MASP2: variants seen among roughly 807,000 people sequenced by gnomAD.
MASP2 encodes mannan-binding lectin serine protease 2.
MASP2 carries 49 observed loss-of-function variants against 57.1 expected under a neutral mutation model. The ratio of observed to expected loss-of-function variants is 0.86; its 90% CI spans 0.68 to 1.09. MASP2 has a LOEUF of 1.09. Ranked by LOEUF, MASP2 falls within the 50% of genes least tolerant of loss-of-function variation. MASP2 has a pLI of 0.00. For missense variants in MASP2, 900 were observed against 874.8 expected (o/e 1.03, Z -0.36); for synonymous variants, 379 against 340.8 (o/e 1.11, Z -1.24).
At chr1:11,039,906 G>A (rs61773662) in intron 6 of MASP2, among the ~76,000 whole-genome samples, 5,521 of 125,170 alleles carry the variant, frequency 0.044, 234 homozygotes, top group African/African-American at 0.1. Flanking sequence ...ATGGATAGAT[G>A]GATGGATAGA....
chr1:11,037,751 T>G lies in MASP2; in HGVS notation c.950A>C (p.Lys317Thr), dbSNP rs1638295805. The G allele has an allele frequency of 1.4e-5, 23 of 1,613,224 alleles. No individual in the cohort carries two copies. The East Asian group carries it at 5.1e-4, about 36-fold the overall frequency. The change falls in exon 7 of 11, where the codon AAA (lysine) becomes ACA (threonine). Residue 317 changes from lysine to threonine, a missense_variant. By Grantham distance (78) the Lys-to-Thr change is moderately conservative. Transcript: ENST00000400897. ...PNGHVSPVQA[K>T]YILKDSFSIF... ...GGAGAAGCTGTCTTTCAGGATGTAT[T>G]TGGCTTGCACAGGTGAAACGTGGCC...
intron 7 of MASP2, among the ~76,000 whole-genome samples, chr1:11,037,330 C>T (rs1638271144): frequency 6.6e-6 from 1 of 152,166 alleles, no homozygotes; most frequent in Non-Finnish European, 1.5e-5. Context: ...CTCAAGTGAT[C>T]TGCCTGCCTC....
At chr1:11,031,027 ACC>A in intron 8 of MASP2, 145 bp from the exon 9 acceptor site, 2 of 731,232 alleles carry the variant, frequency 2.7e-6, no homozygotes, top group Non-Finnish European at 4.3e-6. Context: ...ACATGGCAAG[ACC>A]CCCTCTCTAC....
intron 6 of MASP2, among the ~76,000 whole-genome samples, chr1:11,039,108 A>G (rs1166530251): frequency 6.6e-6 from 1 of 151,866 alleles, no homozygotes; most frequent in Non-Finnish European, 1.5e-5. Context: ...TTCCTATTCA[A>G]GGATAGCTTC....
Position 11,027,423 on chromosome 1 carries a change from TGAG to T in MASP2, c.1520_1522del (p.Pro507del). On this transcript the variant is annotated inframe_deletion, in exon 11 of 11. Transcript: ENST00000400897. ...AGCTTCAGACCAGGCTTGTGTATAA[TGAG>T]GTGATAGTCTTTTCAGGGTGCCCAT... 1 of 1,614,202 alleles carries T rather than the reference TGAG, an allele frequency of 6.2e-7. No individual in the cohort carries two copies. Among genetic ancestry groups the T allele is most frequent in the Non-Finnish European group, 8.5e-7 (1 of 1,180,036 alleles).
At chr1:11,033,969 T>A (rs11804500) in intron 8 of MASP2, among the ~76,000 whole-genome samples, 1,953 of 19,712 alleles carry the variant, frequency 0.099, 43 homozygotes, top group African/African-American at 0.23. Flanking sequence ...ACACACACTC[T>A]CTCTCTCTCT....
chr1:11,043,165 G>A, intron 5 of MASP2, 143 bp from the exon 6 acceptor site: 1 of 1,007,968 alleles, frequency 9.9e-7, no homozygotes, highest in Non-Finnish European at 1.5e-6. Context: ...TCCCCACTCT[G>A]CCTCCCACAC....
intron 8 of MASP2, 76 bp from the exon 9 acceptor site, chr1:11,030,958 T>C: frequency 6.7e-7 from 1 of 1,492,422 alleles, no homozygotes; most frequent in Non-Finnish European, 9.0e-7. Flanking sequence ...GAGAAGCACC[T>C]TTGGGAGGCT....
At chr1:11,046,303 G>A (rs991835230) in intron 3 of MASP2, 113 of 553,100 alleles carry the variant, frequency 2.0e-4, no homozygotes, top group African/African-American at 1.7e-3. Flanking sequence ...GTGAGCTGCT[G>A]CGCCCGGCCA....
At chr1:11,034,723 AAAAAG>A in intron 8 of MASP2, 100 bp downstream of exon 8, 2 of 783,786 alleles carry the variant, frequency 2.6e-6, no homozygotes, top group Non-Finnish European at 4.0e-6. Context: ...AAGGGAAAGA[AAAAAG>A]AAAGTAAACA....
In MASP2 at chr1:11,043,041, A is replaced by G; in HGVS notation, c.742-19T>C. On this transcript the variant is annotated intron_variant, in intron 5 of 10. Transcript: ENST00000400897. Reference sequence around the variant, plus strand: ...TTTGAATCTGAGAAAGAAGCTCATGAAAGCTGGGGAGCAGCTGCCTGGGTC... The same window carrying G: ...TTTGAATCTGAGAAAGAAGCTCATGGAAGCTGGGGAGCAGCTGCCTGGGTC... 6.2e-7 allele frequency: 1 copy of G among 1,612,100 alleles called. No individual in the cohort carries two copies. Among genetic ancestry groups the G allele is most frequent in the African/African-American group, 1.3e-5 (1 of 75,022 alleles).
intron 7 of MASP2, among the ~76,000 whole-genome samples, chr1:11,036,660 G>A (rs1638247934): frequency 7.3e-6 from 1 of 137,196 alleles, no homozygotes; most frequent in South Asian, 2.2e-4. Flanking sequence ...ACCCGCCACA[G>A]GACTGTGGAT....
intron 7 of MASP2, among the ~76,000 whole-genome samples, chr1:11,035,264 C>CTGT (rs2100884599): frequency 6.6e-6 from 1 of 152,256 alleles, no homozygotes; most frequent in African/African-American, 2.4e-5. Context: ...TGGCTCATGC[C>CTGT]TGTAATCCCG....
At position 11,030,854 on chromosome 1, in the gene MASP2, T is replaced by G; in HGVS notation, c.1116A>C (p.Leu372=). The G allele has an allele frequency of 1.2e-6, 2 of 1,613,708 alleles. No homozygotes were observed. The change falls in exon 9 of 11, where the codon CTA becomes CTC. Residue 372 remains leucine, a synonymous_variant. Transcript: ENST00000400897. ...TGATGTACTCCACTCGGCCACTGGG[T>G]AGATCATCAGGAGGGCCACAGTCAA... ...SIVDCGPPDD[L]PSGRVEYITG...
Position 11,027,101 on chromosome 1 carries a change from G to A in MASP2, c.1845C>T (p.Asn615=). Residue 615 remains asparagine (N), a synonymous_variant, in exon 11 of 11, where the codon AAC becomes AAT. Coordinates refer to ENST00000400897, the MANE Select transcript of MASP2 (RefSeq NM_006610.4). ...CACTTTCTAAGCCAGCACAAAGCAT[G>A]TTAGCAGTTACACTTCCCCTTGGAT... ...PPYPRGSVTA[N]MLCAGLESGG... is the part of the protein sequence containing the mutation. The A allele has an allele frequency of 6.2e-7, 1 of 1,607,568 alleles. No homozygotes were observed. The highest frequency in any genetic ancestry group is 8.5e-7 in the Non-Finnish European group (1 of 1,176,538).
intron 10 of MASP2, among the ~76,000 whole-genome samples, chr1:11,028,312 C>T (rs548131384): frequency 1.3e-5 from 2 of 152,072 alleles, no homozygotes; most frequent in East Asian, 3.8e-4. Flanking sequence ...AAGGATATAA[C>T]CTTTTCATTG....
rs183668221 is a variant in MASP2 at position 11,042,902 on chromosome 1, C to T, written c.862G>A (p.Gly288Ser). Reference sequence around the variant, plus strand: ...GTGCTCGTGTAGTGGATCTTCCAGCCTGTGTGGTCTCCTGATTCATCTGTG... The same window carrying T: ...GTGCTCGTGTAGTGGATCTTCCAGCTTGTGTGGTCTCCTGATTCATCTGTG... ...FVTDESGDHT[G>S]WKIHYTSTAQ... Residue 288 changes from glycine to serine, a missense_variant, in exon 6 of 11, where the codon GGC (glycine) becomes AGC (serine). Coordinates refer to ENST00000400897, the MANE Select transcript of MASP2 (RefSeq NM_006610.4). 8.1e-6 allele frequency: 13 copies of T among 1,614,026 alleles called. No homozygotes were observed. The East Asian group carries it at 2.2e-4, about 28-fold the overall frequency.
In MASP2 at chr1:11,030,761, C is replaced by G. The variant is rs777848090; in HGVS notation, c.1209G>C (p.Met403Ile). 10 of 1,606,742 alleles carry G rather than the reference C, an allele frequency of 6.2e-6. No individual in the cohort carries two copies. Among genetic ancestry groups the G allele is most frequent in the Non-Finnish European group, 8.5e-6 (10 of 1,177,910 alleles). The change falls in exon 9 of 11, where the codon ATG becomes ATC. Residue 403 changes from methionine to isoleucine, a missense_variant. Transcript: ENST00000400897. ...GAATTTGCATACCATCATTCACTTT[C>G]ATTGTGTAGAAGGTCTCTTCACAGC... ...QYSCEETFYT[M>I]KVNDGKYVCE...
chr1:11,042,545 G>T lies in MASP2; in HGVS notation c.889+330C>A, dbSNP rs141115097. On this transcript the variant is annotated intron_variant, in intron 6 of 10. Coordinates refer to ENST00000400897, the MANE Select transcript of MASP2 (RefSeq NM_006610.4). The stretch of plus-strand genomic sequence containing the variant: ...TGGATGGTTGTGTGGACAAAAGGAT[G>T]GATGGGTGGGTGGATTGATGAATGG... 3.7e-3 allele frequency among the ~76,000 whole-genome samples: 556 copies of T among 151,788 alleles called. 5 individuals are homozygous for T. Among genetic ancestry groups the T allele is most frequent in the African/African-American group, 0.012 (499 of 41,334 alleles).
Sources: gnomAD v4.1 joint callset for allele counts (sites outside exome capture counted in the v4.1 genomes callset) on GRCh38, gnomAD v4.1.1 for gene constraint, MANE v1.5 for transcripts, NCBI Gene and HGNC (gene_info 2026-07-23, HGNC 2026-07-21) for gene names.